Variants in TRO observed in about 807,000 individuals in gnomAD.
TRO encodes trophinin.
TRO carries 29 observed loss-of-function variants against 42.3 expected under a neutral mutation model. The observed-to-expected ratio is 0.68, with a 90% CI of 0.51 to 0.93. TRO has a LOEUF of 0.93. TRO is among the 40% of genes least tolerant of loss of function. TRO has a pLI of 0.00. For synonymous variants in TRO, 384 were observed against 425.2 expected (o/e 0.90, Z 1.19); for missense variants, 963 against 1,127.7 (o/e 0.85, Z 2.09).
At chrX:54,922,044 A>T (rs1044789250) in intron 1 of TRO, 159 bp from the exon 2 acceptor site, 10 of 392,210 alleles carry the variant, frequency 2.5e-5, no homozygotes, top group African/African-American at 2.0e-4. Context: ...TCTCGGAGGC[A>T]AAAGGAGCTG....
chrX:54,925,771 T>G (rs775604737), intron 7 of TRO, 88 bp downstream of exon 7: 1 of 808,188 alleles, frequency 1.2e-6, no homozygotes, highest in African/African-American at 2.1e-5. Context: ...CCCCATCCTC[T>G]TAGAGAGTCA....
rs751724034 is a variant in TRO, at chrX:54,923,501, T to C, written c.969T>C (p.Thr323=). The C allele has an allele frequency of 8.4e-7, 1 of 1,184,881 alleles. No individual in the cohort carries two copies. Among genetic ancestry groups the C allele is most frequent in the East Asian group, 3.1e-5 (1 of 32,478 alleles). ...VSEISEAPLA[T]QIVTNQALAA... ...AGATCTCTGAGGCCCCACTTGCCAC[T>C]CAGATAGTCACAAACCAAGCCCTGG... Residue 323 remains threonine (T), a synonymous_variant, in exon 3 of 13, where the codon ACT becomes ACC. Coordinates refer to ENST00000173898, the MANE Select transcript of TRO (RefSeq NM_001039705.3).
rs1298728402 is a variant in TRO, at chrX:54,930,771, C to T, written c.4047C>T (p.Gly1349=). 1.2e-5 allele frequency: 15 copies of T among 1,210,723 alleles called. No individual in the cohort carries two copies. The highest frequency in any genetic ancestry group is 2.2e-5 in the Admixed American group (1 of 45,879). The change falls in exon 12 of 13, where the codon GGC becomes GGT. Residue 1349 remains glycine, a synonymous_variant. Coordinates refer to ENST00000173898, the MANE Select transcript of TRO (RefSeq NM_001039705.3). ...CCAACACCAGCACTGGCTTTACTGGCGAACCCAGCACCAGCACGGGCTTCA... is the reference window on the plus strand; with the variant it reads ...CCAACACCAGCACTGGCTTTACTGGTGAACCCAGCACCAGCACGGGCTTCA... The part of the protein sequence containing the change: ...SGSNTSTGFT[G]EPSTSTGFSS...
chrX:54,924,483 C>T lies in TRO; in HGVS notation c.1269C>T (p.Gly423=), dbSNP rs1315845615. The change falls in exon 4 of 13, where the codon GGC becomes GGT. Residue 423 remains glycine (G), a synonymous_variant. Coordinates refer to ENST00000173898, the MANE Select transcript of TRO (RefSeq NM_001039705.3). ...ATCTGAATGGGGATGAGAGAAGTGG[C>T]AGTAATTACAGGCGGATCCCATGGG... ...SKHLNGDERS[G]SNYRRIPWGR... The T allele has an allele frequency of 2.5e-6, 3 of 1,208,259 alleles. No individual in the cohort carries two copies. The highest frequency in any genetic ancestry group is 3.4e-6 in the Non-Finnish European group (3 of 894,020).
Position 54,923,865 on chromosome X carries a change from C to G in TRO, c.1236+97C>G, listed in dbSNP as rs1193017319. 3 of 896,810 alleles carry G rather than the reference C, an allele frequency of 3.3e-6. No individual in the cohort carries two copies. The African/African-American group carries it at 6.0e-5, about 18-fold the overall frequency. 73.9% of individuals were successfully genotyped at this position (896,810 alleles called of 1,213,427 possible). ...TCTTCTATAAAAGTTTTACTTTGAG[C>G]TAGTCCCTGTGTTCAGATAGGCTGT... On this transcript the variant is annotated intron_variant, in intron 3 of 12. Transcript: ENST00000173898.
At chrX:54,921,993 CG>C in intron 1 of TRO, 1 of 286,980 alleles carries the variant, frequency 3.5e-6, no homozygotes, top group South Asian at 1.1e-4. Context: ...TATCGAGTTG[CG>C]GAGGGGGCGT....
At chrX:54,925,528 C>T (rs1932643166) in intron 6 of TRO, 64 bp from the exon 7 acceptor site, 1 of 1,029,923 alleles carries the variant, frequency 9.7e-7, no homozygotes, top group Admixed American at 2.4e-5. Context: ...TTAGGATGCC[C>T]GGAAAGTTCA....
chrX:54,923,817 T>C (rs1932427214), intron 3 of TRO, 49 bp downstream of exon 3: 1 of 1,097,213 alleles, frequency 9.1e-7, no homozygotes, highest in African/African-American at 1.8e-5. Context: ...CTTTTCCATT[T>C]CTACCCTTCT....
Position 54,929,005 on chromosome X carries a change from G to A in TRO, c.2281G>A (p.Val761Ile). 1.7e-6 allele frequency: 2 copies of A among 1,212,083 alleles called. No homozygotes were observed. Among genetic ancestry groups the A allele is most frequent in the East Asian group, 3.0e-5 (1 of 33,855 alleles). The change falls in exon 12 of 13, where the codon GTT (valine) becomes ATT (isoleucine). Residue 761 changes from valine (V) to isoleucine (I), a missense_variant. Physicochemically the swap from Val to Ile is conservative, Grantham distance 29. This residue lies in a region of TRO where 641 missense variants were observed against 811.3 expected (regional missense o/e 0.79). Transcript: ENST00000173898. ...TGGTGGACCTGGCATTACCTTTGGT[G>A]TTGCACCCAGCACCAGTGCCAGCTT... ...FSGGPGITFGVAPSTSASFSN... is the reference protein window; with the variant it reads ...FSGGPGITFGIAPSTSASFSN...
chrX:54,928,912 A>G lies in TRO; in HGVS notation c.2188A>G (p.Arg730Gly), dbSNP rs757531655. 4 of 1,211,454 alleles carry G rather than the reference A, an allele frequency of 3.3e-6. No individual in the cohort carries two copies. In the South Asian group the frequency reaches 5.3e-5, roughly 16 times the overall value. Reference protein sequence around the residue: ...NVNFSRGASTRAGFSDGASIS... With the variant: ...NVNFSRGASTGAGFSDGASIS... The stretch of plus-strand genomic sequence containing the variant: ...CAACTTCAGCAGAGGAGCTAGTACC[A>G]GGGCTGGCTTCAGCGATGGTGCTAG... The change falls in exon 12 of 13, where the codon AGG becomes GGG. Residue 730 changes from arginine (R) to glycine (G), a missense_variant. By Grantham distance (125) the Arg-to-Gly change is moderately radical (BLOSUM62 -2). Around this residue, in one of 2 missense-constraint regions of TRO, gnomAD observed 641 missense variants for 811.3 expected, o/e 0.79. Coordinates refer to ENST00000173898, the MANE Select transcript of TRO (RefSeq NM_001039705.3).
intron 5 of TRO, 100 bp downstream of exon 5, chrX:54,924,833 T>C (rs988260055): frequency 1.9e-5 from 19 of 987,803 alleles, no homozygotes; most frequent in Non-Finnish European, 9.9e-6. Context: ...TTCTGTCATA[T>C]CTCCACACCT....
rs199679457 is a variant in TRO at position 54,929,177 on chromosome X, G to T, written c.2453G>T (p.Cys818Phe). The change falls in exon 12 of 13, where the codon TGT (cysteine) becomes TTT (phenylalanine). Residue 818 changes from cysteine to phenylalanine, a missense_variant. This residue lies in a region of TRO where 641 missense variants were observed against 811.3 expected (regional missense o/e 0.79). Transcript: ENST00000173898. The part of the protein sequence containing the change: ...EASISFGGMP[C>F]TSASFSGGVS... ...AGCATTAGCTTTGGTGGCATGCCTT[G>T]TACCAGTGCCAGCTTTAGTGGTGGA... 2 of 1,211,554 alleles carry T rather than the reference G, an allele frequency of 1.7e-6. No individual in the cohort carries two copies. Among genetic ancestry groups the T allele is most frequent in the Admixed American group, 2.2e-5 (1 of 45,996 alleles).
chrX:54,926,782 T>C lies in TRO; in HGVS notation c.1700+157T>C, dbSNP rs181041756. On this transcript the variant is annotated intron_variant, in intron 9 of 12. Coordinates refer to ENST00000173898, the MANE Select transcript of TRO (RefSeq NM_001039705.3). Reference sequence around the variant, plus strand: ...CTGACCTGGGTGGATGACGGGCAAATGGTCCTGAACTCTCTGCTGTCTCTC... The same window carrying C: ...CTGACCTGGGTGGATGACGGGCAAACGGTCCTGAACTCTCTGCTGTCTCTC... 1.4e-5 allele frequency: 12 copies of C among 837,222 alleles called. No individual in the cohort carries two copies. In the African/African-American group the frequency reaches 2.0e-4, roughly 14 times the overall value. The allele number at this position is 837,222 out of a possible 1,213,427, so 69.0% of individuals were successfully genotyped here.
At chrX:54,928,284 A>G (rs1932839317) in intron 11 of TRO, among the ~76,000 whole-genome samples, 1 of 112,143 alleles carries the variant, frequency 8.9e-6, no homozygotes, top group South Asian at 3.7e-4. Flanking sequence ...CCTATCTCCA[A>G]GTACAATCAC....
chrX:54,923,110 C>A lies in TRO; in HGVS notation c.578C>A (p.Ser193Tyr), dbSNP rs1602131731. The change falls in exon 3 of 13, where the codon TCC becomes TAC. Residue 193 changes from serine (S) to tyrosine (Y), a missense_variant. By Grantham distance (144) the Ser-to-Tyr change is moderately radical. Around this residue, in one of 2 missense-constraint regions of TRO, gnomAD observed 322 missense variants for 316.5 expected, o/e 1.02. Coordinates refer to ENST00000173898, the MANE Select transcript of TRO (RefSeq NM_001039705.3). ...CCAATTGCCAATGAGTCAGCCAGTT[C>A]CCAAGCCTTGATAACCTCTATCAAG... ...HAPIANESAS[S>Y]QALITSIKPK... 1.7e-6 allele frequency: 2 copies of A among 1,211,798 alleles called. No individual in the cohort carries two copies. The highest frequency in any genetic ancestry group is 2.2e-6 in the Non-Finnish European group (2 of 895,545).
rs756027194 is a variant in TRO, at chrX:54,929,549, C to T, written c.2825C>T (p.Ser942Phe). 8.2e-7 allele frequency: 1 copy of T among 1,212,170 alleles called. No individual in the cohort carries two copies. The highest frequency in any genetic ancestry group is 1.8e-5 in the South Asian group (1 of 56,997). ...TLSTSVSFGG[S>F]SSTSANFGGT... The stretch of plus-strand genomic sequence containing the variant: ...AGCACCAGTGTCTCCTTTGGTGGCT[C>T]TTCCAGCACCAGTGCCAATTTTGGT... Residue 942 changes from serine to phenylalanine, a missense_variant, in exon 12 of 13, where the codon TCT becomes TTT. By Grantham distance (155) the Ser-to-Phe change is radical (BLOSUM62 -2). Around this residue, in one of 2 missense-constraint regions of TRO, gnomAD observed 641 missense variants for 811.3 expected, o/e 0.79. Coordinates refer to ENST00000173898, the MANE Select transcript of TRO (RefSeq NM_001039705.3).
rs373525047 is a variant in TRO at position 54,929,963 on chromosome X, G to C, written c.3239G>C (p.Ser1080Thr). ...GCCGTCAGCACCAGTGCCAGCTTCAGTGGTGCTGTCAGCACCAGTGCTTGC... is the reference window on the plus strand; with the variant it reads ...GCCGTCAGCACCAGTGCCAGCTTCACTGGTGCTGTCAGCACCAGTGCTTGC... Reference protein sequence around the residue: ...GCAVSTSASFSGAVSTSACFS... With the variant: ...GCAVSTSASFTGAVSTSACFS... The change falls in exon 12 of 13, where the codon AGT becomes ACT. Residue 1080 changes from serine to threonine, a missense_variant. Physicochemically the swap from Ser to Thr is moderately conservative, Grantham distance 58 (BLOSUM62 1). This residue lies in a region of TRO where 641 missense variants were observed against 811.3 expected (regional missense o/e 0.79). Coordinates refer to ENST00000173898, the MANE Select transcript of TRO (RefSeq NM_001039705.3). 92 of 1,210,453 alleles carry C rather than the reference G, an allele frequency of 7.6e-5. No homozygotes were observed. The African/African-American group carries it at 1.5e-3, about 20-fold the overall frequency.
rs909947910 is a variant in TRO at position 54,923,130 on chromosome X, A to G, written c.598A>G (p.Ile200Val). The G allele has an allele frequency of 2.5e-6, 3 of 1,211,775 alleles. No homozygotes were observed. The highest frequency in any genetic ancestry group is 4.3e-5 in the Admixed American group (2 of 46,040). ...CAGTTCCCAAGCCTTGATAACCTCT[A>G]TCAAGCCTAAGAAAGCTTCCAAGGC... ...SASSQALITS[I>V]KPKKASKAKK... is the part of the protein sequence containing the mutation. The change falls in exon 3 of 13, where the codon ATC becomes GTC. Residue 200 changes from isoleucine to valine, a missense_variant. This residue lies in a region of TRO where 322 missense variants were observed against 316.5 expected (regional missense o/e 1.02). Transcript: ENST00000173898.
chrX:54,927,262 C>G (rs1932797537), intron 10 of TRO, 157 bp downstream of exon 10: 1 of 629,857 alleles, frequency 1.6e-6, no homozygotes, highest in Non-Finnish European at 2.5e-6. Flanking sequence ...CATGGGCAGA[C>G]CTTTCCAGGA....
Sources: gnomAD v4.1 joint callset for allele counts (sites outside exome capture counted in the v4.1 genomes callset) on GRCh38, gnomAD v4.1.1 for gene constraint, gnomAD v4.1.1 regional missense constraint, MANE v1.5 for transcripts, NCBI Gene and HGNC (gene_info 2026-07-23, HGNC 2026-07-21) for gene names.